Variants in CCDC7 observed in about 807,000 individuals in gnomAD.
CCDC7 encodes the protein coiled-coil domain-containing protein 7.
A neutral mutation model predicts 196.9 loss-of-function variants in CCDC7; 183 were observed. That is an observed-to-expected ratio of 0.93 (90% CI 0.82 to 1.05). The LOEUF (loss-of-function observed/expected upper bound fraction) is 1.05. CCDC7 is among the 50% of genes least tolerant of loss of function. CCDC7 has a pLI of 0.00. For missense variants in CCDC7, 1,540 were observed against 1,482.2 expected (o/e 1.04, Z -0.64); for synonymous variants, 525 against 484.6 (o/e 1.08, Z -1.10).
chr10:32,869,496 T>G (rs893636098), intron 41 of CCDC7, among the ~76,000 whole-genome samples: 1 of 152,176 alleles, frequency 6.6e-6, no homozygotes, highest in Non-Finnish European at 1.5e-5. Flanking sequence ...TTGCAAAAAT[T>G]TTCTCCCATT....
chr10:32,659,799 G>T (rs879985238), intron 20 of CCDC7, among the ~76,000 whole-genome samples: 1 of 152,148 alleles, frequency 6.6e-6, no homozygotes, highest in Non-Finnish European at 1.5e-5. Flanking sequence ...AATCAGAATG[G>T]CTATTACTAA....
chr10:32,677,741 C>A (rs552014823), intron 21 of CCDC7, among the ~76,000 whole-genome samples: 16 of 151,908 alleles, frequency 1.1e-4, no homozygotes, highest in African/African-American at 3.6e-4. Flanking sequence ...TCTGGAAGTC[C>A]ATTTTCCTCC....
At chr10:32,452,911 A>C (rs2033452003) in intron 1 of CCDC7, among the ~76,000 whole-genome samples, 1 of 152,216 alleles carries the variant, frequency 6.6e-6, no homozygotes, top group Admixed American at 6.5e-5. Context: ...TGTACAGTAC[A>C]AGTTTGTTGA....
intron 39 of CCDC7, among the ~76,000 whole-genome samples, chr10:32,850,208 T>C (rs1345380463): frequency 6.6e-6 from 1 of 152,170 alleles, no homozygotes; most frequent in Admixed American, 6.5e-5. Flanking sequence ...CTAGCCTATC[T>C]TGCACGGCCT....
intron 8 of CCDC7, among the ~76,000 whole-genome samples, chr10:32,476,619 T>G (rs2039025533): frequency 6.6e-6 from 1 of 152,216 alleles, no homozygotes; most frequent in Non-Finnish European, 1.5e-5. Context: ...TTGTTTAGCA[T>G]TATAAGAAAC....
At chr10:32,758,084 G>C (rs947855768) in intron 28 of CCDC7, among the ~76,000 whole-genome samples, 1 of 152,078 alleles carries the variant, frequency 6.6e-6, no homozygotes. Flanking sequence ...CCAGTAACAG[G>C]CTCTGAAATG....
intron 28 of CCDC7, among the ~76,000 whole-genome samples, chr10:32,747,182 A>G (rs1400679172): frequency 6.6e-6 from 1 of 151,842 alleles, no homozygotes; most frequent in Non-Finnish European, 1.5e-5. Context: ...TTGAAACTGG[A>G]CCCCCCTTCC....
chr10:32,566,939 T>G (rs2056890369), intron 14 of CCDC7, among the ~76,000 whole-genome samples: 1 of 146,074 alleles, frequency 6.8e-6, no homozygotes, highest in Non-Finnish European at 1.5e-5. Flanking sequence ...ATAATATGTA[T>G]TAGCTATATA....
intron 18 of CCDC7, among the ~76,000 whole-genome samples, chr10:32,599,843 A>T (rs117310965): frequency 9.2e-4 from 140 of 152,234 alleles, no homozygotes; most frequent in African/African-American, 3.1e-3. Flanking sequence ...AGAGATAGGG[A>T]TAGAGTTTCA....
intron 18 of CCDC7, among the ~76,000 whole-genome samples, chr10:32,624,432 T>C (rs749874113): frequency 4.3e-4 from 65 of 152,232 alleles, no homozygotes; most frequent in Non-Finnish European, 4.6e-4. Context: ...TTCTGTCTGT[T>C]CCTTTGCATT....
At chr10:32,754,215 T>A (rs73243822) in intron 28 of CCDC7, among the ~76,000 whole-genome samples, 6,949 of 152,204 alleles carry the variant, frequency 0.046, 539 homozygotes, top group African/African-American at 0.16. Flanking sequence ...AAATTTAATA[T>A]CAGTATGATG....
At chr10:32,482,189 C>G (rs1037049507) in intron 8 of CCDC7, among the ~76,000 whole-genome samples, 1 of 126,226 alleles carries the variant, frequency 7.9e-6, no homozygotes, top group East Asian at 2.0e-4. Flanking sequence ...TTTTATTTTT[C>G]AGAATTAAAA....
chr10:32,585,025 A>G (rs1168370889), intron 18 of CCDC7, among the ~76,000 whole-genome samples: 1 of 152,028 alleles, frequency 6.6e-6, no homozygotes, highest in Non-Finnish European at 1.5e-5. Context: ...CCTTTCCAAC[A>G]TGTATCATGT....
At chr10:32,604,005 G>A (rs765040409) in intron 18 of CCDC7, among the ~76,000 whole-genome samples, 17 of 151,738 alleles carry the variant, frequency 1.1e-4, no homozygotes, top group Non-Finnish European at 2.2e-4. Context: ...TTGTGATCAC[G>A]GCCATAAAAT....
At chr10:32,535,415 G>A (rs183526688) in intron 11 of CCDC7, among the ~76,000 whole-genome samples, 1 of 152,256 alleles carries the variant, frequency 6.6e-6, no homozygotes, top group South Asian at 2.1e-4. Flanking sequence ...ATACATTTTA[G>A]GGAGACATAA....
intron 24 of CCDC7, among the ~76,000 whole-genome samples, chr10:32,702,774 C>T (rs1386583796): frequency 1.3e-5 from 2 of 152,090 alleles, no homozygotes; most frequent in East Asian, 3.8e-4. Flanking sequence ...ATGTAATGGC[C>T]TTCTTTGTCT....
At chr10:32,715,627 C>A (rs1264213715) in intron 25 of CCDC7, among the ~76,000 whole-genome samples, 4 of 152,098 alleles carry the variant, frequency 2.6e-5, no homozygotes, top group Admixed American at 6.5e-5. Flanking sequence ...ATGTTCTAAC[C>A]CAATGCAAGG....
chr10:32,556,606 A>G (rs1411484035), intron 13 of CCDC7, among the ~76,000 whole-genome samples: 3 of 152,068 alleles, frequency 2.0e-5, no homozygotes, highest in Non-Finnish European at 2.9e-5. Flanking sequence ...CATGGCTTCT[A>G]TGTGTATGTT....
At chr10:32,466,114 G>C (rs920219286) in intron 5 of CCDC7, among the ~76,000 whole-genome samples, 1 of 152,100 alleles carries the variant, frequency 6.6e-6, no homozygotes, top group African/African-American at 2.4e-5. Context: ...CCACTGCACA[G>C]TATACTTCTG....
Sources: gnomAD v4.1 joint callset for allele counts (sites outside exome capture counted in the v4.1 genomes callset) on GRCh38, gnomAD v4.1.1 for gene constraint, MANE v1.5 for transcripts, NCBI Gene and HGNC (gene_info 2026-07-23, HGNC 2026-07-21) for gene names.